The following TSHZ2 variants were observed in gnomAD, a reference collection of about 807,000 sequenced individuals.
The protein encoded by TSHZ2 is teashirt homolog 2.
Under a neutral mutation model 74.4 loss-of-function variants are expected in TSHZ2, and 21 were observed. That is an observed-to-expected ratio of 0.28 (90% confidence interval 0.20 to 0.41). TSHZ2 has a LOEUF of 0.41. Among genes scored for constraint, TSHZ2 ranks in the 10% least tolerant of loss-of-function variants. The probability of loss-of-function intolerance (pLI) is 1.00; values close to 1 mark genes in which losing one functional copy is unlikely to be tolerated. For synonymous variants in TSHZ2, 540 were observed against 515.3 expected (o/e 1.05, Z -0.65); for missense variants, 1,244 against 1,293.5 (o/e 0.96, Z 0.59).
intron 2 of TSHZ2, among the ~76,000 whole-genome samples, chr20:53,314,812 G>A (rs1978933796): frequency 6.6e-6 from 1 of 152,016 alleles, no homozygotes; most frequent in Admixed American, 6.6e-5. Context: ...AGTAGAAACA[G>A]GGTCTCGCCA....
intron 1 of TSHZ2, among the ~76,000 whole-genome samples, chr20:53,036,791 T>C (rs990050164): frequency 4.0e-5 from 6 of 148,486 alleles, no homozygotes; most frequent in African/African-American, 1.2e-4. Flanking sequence ...TTTAAAAGCA[T>C]GTAACAATAC....
At chr20:53,203,666 G>C (rs1361047311) in intron 1 of TSHZ2, among the ~76,000 whole-genome samples, 1 of 152,194 alleles carries the variant, frequency 6.6e-6, no homozygotes, top group African/African-American at 2.4e-5. Context: ...GTGCCAGGTG[G>C]AGTGTGGTCT....
intron 1 of TSHZ2, among the ~76,000 whole-genome samples, chr20:53,005,300 A>G (rs1982601183): frequency 6.6e-6 from 1 of 152,104 alleles, no homozygotes; most frequent in South Asian, 2.1e-4. Context: ...CAACAGAGAG[A>G]GACTCTGTCT....
In TSHZ2 at chr20:53,254,693, C is replaced by T. The variant is rs376219159; in HGVS notation, c.1235C>T (p.Ala412Val). ...TGHFLKVTSS[A>V]SKKGKQLVLD... is the part of the protein sequence containing the mutation. The stretch of plus-strand genomic sequence containing the variant: ...CACTTTCTCAAGGTCACCAGCTCTG[C>T]CTCCAAGAAAGGGAAGCAGCTGGTA... Residue 412 changes from alanine to valine, a missense_variant, in exon 2 of 3, where the codon GCC becomes GTC. Physicochemically the swap from Ala to Val is moderately conservative, Grantham distance 64. Coordinates refer to ENST00000371497, the MANE Select transcript of TSHZ2 (RefSeq NM_173485.6). 5 of 1,614,058 alleles carry T rather than the reference C, an allele frequency of 3.1e-6. No homozygotes were observed. The African/African-American group carries it at 5.3e-5, about 17-fold the overall frequency.
chr20:53,025,145 CTATATATTAT>C (rs1568724886), intron 1 of TSHZ2, among the ~76,000 whole-genome samples: 1 of 149,334 alleles, frequency 6.7e-6, no homozygotes, highest in East Asian at 2.0e-4. Context: ...GTATTAAAGA[CTATATATTAT>C]TATATATTTT....
chr20:53,402,232 C>CA (rs547633564), intron 2 of TSHZ2, among the ~76,000 whole-genome samples: 162 of 152,314 alleles, frequency 1.1e-3, no homozygotes, highest in African/African-American at 3.6e-3. Context: ...AGTGCTGGAT[C>CA]AAATGGTAGA....
chr20:53,094,222 A>G (rs533744988), intron 1 of TSHZ2, among the ~76,000 whole-genome samples: 1 of 152,218 alleles, frequency 6.6e-6, no homozygotes, highest in African/African-American at 2.4e-5. Flanking sequence ...TACAGAAAAC[A>G]TTTGCCAACT....
At chr20:53,113,689 G>A (rs1986594667) in intron 1 of TSHZ2, among the ~76,000 whole-genome samples, 1 of 152,226 alleles carries the variant, frequency 6.6e-6, no homozygotes. Flanking sequence ...AATTGACTCT[G>A]AGTGTGTCTG....
intron 1 of TSHZ2, among the ~76,000 whole-genome samples, chr20:53,095,224 G>A (rs1600686882): frequency 6.6e-6 from 1 of 152,156 alleles, no homozygotes; most frequent in Non-Finnish European, 1.5e-5. Flanking sequence ...TCTATCCTGA[G>A]GCAGTCTCTC....
rs544193424 is a variant in TSHZ2 at position 53,190,086 on chromosome 20, A to AATATATATATATATAT, written c.41-63376_41-63361dup. On this transcript the variant is annotated intron_variant, in intron 1 of 2. Coordinates refer to ENST00000371497, the MANE Select transcript of TSHZ2 (RefSeq NM_173485.6). ...GGTGACCAAACAAGACCCTGTCTCA[A>AATATATATATATATAT]ATATATATATATATATATATATATA... Among the ~76,000 whole-genome samples, 127 of 25,046 alleles carry AATATATATATATATAT rather than the reference A, an allele frequency of 5.1e-3. 2 individuals carry two copies. The highest frequency in any genetic ancestry group is 0.031 in the Middle Eastern group (1 of 32). 16.4% of individuals were successfully genotyped at this position (25,046 alleles called of 152,430 possible). A position where few individuals can be genotyped will look rare whatever the true frequency, so the allele number is the denominator to read the frequency against.
At chr20:53,046,544 C>G (rs1043933427) in intron 1 of TSHZ2, among the ~76,000 whole-genome samples, 1 of 151,990 alleles carries the variant, frequency 6.6e-6, no homozygotes, top group African/African-American at 2.4e-5. Context: ...TAGAAGTCTG[C>G]GGTGAATGCA....
intron 1 of TSHZ2, among the ~76,000 whole-genome samples, chr20:52,996,305 GTTTTTATTTATT>G (rs1296917011): frequency 1.5e-5 from 2 of 135,362 alleles, no homozygotes; most frequent in Non-Finnish European, 3.2e-5. Flanking sequence ...TTCCTTTCAG[GTTTTTATTTATT>G]TATTTATTTA....
intron 1 of TSHZ2, among the ~76,000 whole-genome samples, chr20:53,022,407 C>G (rs973736346): frequency 1.3e-5 from 2 of 152,158 alleles, no homozygotes; most frequent in African/African-American, 4.8e-5. Context: ...AGTAAACTAG[C>G]TGCTTCCCAT....
chr20:53,228,019 G>GT (rs3971383), intron 1 of TSHZ2, among the ~76,000 whole-genome samples: 14,319 of 101,376 alleles, frequency 0.14, 1,603 homozygotes, highest in Non-Finnish European at 0.19. Context: ...TTCAAATGGT[G>GT]TTTTTTTTTT....
intron 2 of TSHZ2, among the ~76,000 whole-genome samples, chr20:53,338,863 G>T (rs1026630535): frequency 2.6e-5 from 4 of 152,164 alleles, no homozygotes; most frequent in Non-Finnish European, 5.9e-5. Flanking sequence ...TTTCATGAGG[G>T]TCAGATGAGG....
intron 1 of TSHZ2, among the ~76,000 whole-genome samples, chr20:53,128,568 T>G (rs973107359): frequency 1.3e-5 from 2 of 152,196 alleles, no homozygotes; most frequent in Non-Finnish European, 2.9e-5. Flanking sequence ...CTATGATTAT[T>G]TGGGGTATCA....
intron 2 of TSHZ2, among the ~76,000 whole-genome samples, chr20:53,459,169 G>C (rs117778684): frequency 1.3e-5 from 2 of 152,140 alleles, no homozygotes; most frequent in Non-Finnish European, 2.9e-5. Flanking sequence ...TTAAAGACTC[G>C]CATTATTAAC....
chr20:53,158,245 A>G (rs771203427), intron 1 of TSHZ2, among the ~76,000 whole-genome samples: 5 of 152,192 alleles, frequency 3.3e-5, no homozygotes, highest in African/African-American at 1.2e-4. Flanking sequence ...CAGGGGGCAG[A>G]CTGTGCAGAA....
intron 1 of TSHZ2, among the ~76,000 whole-genome samples, chr20:53,125,988 A>T (rs985883326): frequency 2.6e-5 from 4 of 151,932 alleles, no homozygotes; most frequent in Non-Finnish European, 4.4e-5. Context: ...ATTTCACTTA[A>T]AAGTTGGTAA....
Sources: gnomAD v4.1 joint callset for allele counts (sites outside exome capture counted in the v4.1 genomes callset) on GRCh38, gnomAD v4.1.1 for gene constraint, MANE v1.5 for transcripts, NCBI Gene and HGNC (gene_info 2026-07-23, HGNC 2026-07-21) for gene names.